Variants in PCDH9 observed in about 807,000 individuals in gnomAD.
PCDH9 encodes protocadherin-9.
A neutral mutation model predicts 70.6 loss-of-function variants in PCDH9; 24 were observed. The ratio of observed to expected loss-of-function variants is 0.34; its 90% CI spans 0.25 to 0.48. The LOEUF is 0.48. Ranked by LOEUF, PCDH9 falls within the 20% of genes least tolerant of loss-of-function variation. PCDH9 has a pLI of 0.99. For missense variants in PCDH9, 1,281 were observed against 1,503.6 expected (o/e 0.85, Z 2.45); for synonymous variants, 562 against 558.5 (o/e 1.01, Z -0.09).
intron 3 of PCDH9, among the ~76,000 whole-genome samples, chr13:66,760,580 C>T (rs550303388): frequency 6.4e-4 from 97 of 152,232 alleles, no homozygotes; most frequent in African/African-American, 2.2e-3. Flanking sequence ...GTTATCTGTA[C>T]AAATTGTTTG....
chr13:67,216,299 T>G (rs1423159986), intron 2 of PCDH9: 5 of 152,098 alleles, frequency 3.3e-5, no homozygotes, highest in Admixed American at 3.3e-4. Context: ...TCTTGCCATT[T>G]AAGACCAAGA....
intron 4 of PCDH9, among the ~76,000 whole-genome samples, chr13:66,559,845 C>T (rs1418483864): frequency 6.9e-6 from 1 of 144,148 alleles, no homozygotes; most frequent in East Asian, 2.0e-4. Flanking sequence ...CACACACACA[C>T]ACACACACAC....
chr13:66,666,949 A>T (rs2139029646), intron 3 of PCDH9, among the ~76,000 whole-genome samples: 1 of 152,322 alleles, frequency 6.6e-6, no homozygotes, highest in South Asian at 2.1e-4. Flanking sequence ...ACCTAGATAC[A>T]CTTGTGGACC....
At chr13:66,552,199 G>A (rs1312565089) in intron 4 of PCDH9, among the ~76,000 whole-genome samples, 2 of 152,036 alleles carry the variant, frequency 1.3e-5, no homozygotes, top group Admixed American at 1.3e-4. Flanking sequence ...TATTATCCAT[G>A]TCACTCCCAA....
intron 3 of PCDH9, among the ~76,000 whole-genome samples, chr13:66,789,961 A>G (rs951459050): frequency 2.0e-5 from 3 of 152,096 alleles, no homozygotes; most frequent in Non-Finnish European, 2.9e-5. Context: ...ATTGTTGTCA[A>G]CCAAGATTAT....
intron 4 of PCDH9, among the ~76,000 whole-genome samples, chr13:66,561,867 G>A (rs1298701109): frequency 6.6e-6 from 1 of 151,970 alleles, no homozygotes; most frequent in South Asian, 2.1e-4. Context: ...CAACCCGCTC[G>A]GGTCCTCTTC....
intron 2 of PCDH9, among the ~76,000 whole-genome samples, chr13:67,197,993 T>C (rs1216699002): frequency 2.0e-5 from 3 of 151,582 alleles, no homozygotes; most frequent in Non-Finnish European, 4.4e-5. Context: ...GTATTTATTG[T>C]TTTTGATATT....
At chr13:66,438,691 T>G (rs1957921474) in intron 4 of PCDH9, among the ~76,000 whole-genome samples, 1 of 152,196 alleles carries the variant, frequency 6.6e-6, no homozygotes, top group Admixed American at 6.5e-5. Context: ...ACTCCTTATC[T>G]CTTTCTCCTT....
At chr13:66,738,156 G>A (rs2079187548) in intron 3 of PCDH9, among the ~76,000 whole-genome samples, 1 of 152,176 alleles carries the variant, frequency 6.6e-6, no homozygotes, top group African/African-American at 2.4e-5. Flanking sequence ...AGAACGGGCA[G>A]ACGGCCTCCT....
At chr13:66,351,644 T>C (rs1408160830) in intron 4 of PCDH9, among the ~76,000 whole-genome samples, 6 of 152,126 alleles carry the variant, frequency 3.9e-5, no homozygotes, top group Admixed American at 2.6e-4. Flanking sequence ...ACTTAGGGTA[T>C]TATTATCCAG....
rs2089903534 is a variant in PCDH9, at chr13:67,227,385, A to G, written c.1056T>C (p.Asn352=). 2 of 1,613,836 alleles carry G rather than the reference A, an allele frequency of 1.2e-6. No individual in the cohort carries two copies. The highest frequency in any genetic ancestry group is 1.7e-6 in the Non-Finnish European group (2 of 1,179,858). ...ATVTINVTDV[N]DNPPNIDLRY... ...TGAGGTCTATATTAGGAGGGTTATCATTTACATCGGTGACATTGATGGTAA... is the reference window on the plus strand; with the variant it reads ...TGAGGTCTATATTAGGAGGGTTATCGTTTACATCGGTGACATTGATGGTAA... The change falls in exon 2 of 5, where the codon AAT becomes AAC. Residue 352 remains asparagine, a synonymous_variant. Coordinates refer to ENST00000377865, the MANE Select transcript of PCDH9 (RefSeq NM_203487.3). This position sits in a 1 kb window ranked among gnomAD's most constrained non-coding sequence, Gnocchi z 4.6.
intron 4 of PCDH9, among the ~76,000 whole-genome samples, chr13:66,627,792 A>G (rs572517491): frequency 3.3e-5 from 5 of 152,268 alleles, no homozygotes; most frequent in Admixed American, 2.6e-4. Flanking sequence ...CTAGATTGGT[A>G]AAAACTCTAG....
At chr13:66,799,291 CT>C (rs766180145) in intron 3 of PCDH9, among the ~76,000 whole-genome samples, 2 of 152,138 alleles carry the variant, frequency 1.3e-5, no homozygotes, top group African/African-American at 2.4e-5. Context: ...GGTAAGCATA[CT>C]GACGGAACGA....
At chr13:66,341,712 G>A (rs1374407650) in intron 4 of PCDH9, among the ~76,000 whole-genome samples, 1 of 150,504 alleles carries the variant, frequency 6.6e-6, no homozygotes, top group Non-Finnish European at 1.5e-5. Context: ...GTGTACACTT[G>A]CACTGAGCTG....
At chr13:66,474,394 A>C (rs1271283260) in intron 4 of PCDH9, among the ~76,000 whole-genome samples, 1 of 152,174 alleles carries the variant, frequency 6.6e-6, no homozygotes, top group Non-Finnish European at 1.5e-5. Context: ...TATCTAACGT[A>C]CTGATCTGAA....
intron 3 of PCDH9, among the ~76,000 whole-genome samples, chr13:66,705,563 G>A (rs2078700567): frequency 6.6e-6 from 1 of 152,058 alleles, no homozygotes; most frequent in African/African-American, 2.4e-5. Context: ...ATAATGCGTG[G>A]CATTTTCCAT....
chr13:67,223,352 A>T (rs1280994825), intron 2 of PCDH9: 1 of 152,174 alleles, frequency 6.6e-6, no homozygotes, highest in African/African-American at 2.4e-5. Context: ...CTATACATCA[A>T]TGCTAATATC....
chr13:66,730,876 G>GTGTTTTTTTTTTTTTTTTTTTTTTT (rs1555262846), intron 3 of PCDH9, among the ~76,000 whole-genome samples: 2 of 46,358 alleles, frequency 4.3e-5, no homozygotes, highest in African/African-American at 1.5e-4. Flanking sequence ...GTGTGTGTGT[G>GTGTTTTTTTTTTTTTTTTTTTTTTT]TTTTTTTTTT....
chr13:66,929,414 C>T (rs976287451), intron 2 of PCDH9, among the ~76,000 whole-genome samples: 1 of 152,074 alleles, frequency 6.6e-6, no homozygotes, highest in Non-Finnish European at 1.5e-5. Flanking sequence ...ACCTCCACCT[C>T]CCGGGTTCAA....
Sources: allele counts gnomAD v4.1 joint callset (sites outside exome capture counted in the v4.1 genomes callset), GRCh38; gene constraint gnomAD v4.1.1; non-coding constraint Gnocchi (gnomAD v3.1); transcripts MANE v1.5; gene names NCBI Gene and HGNC (gene_info 2026-07-23, HGNC 2026-07-21).